NHS: variants seen among roughly 807,000 people sequenced by gnomAD.
NHS encodes actin remodeling regulator NHS.
In NHS, 5 loss-of-function variants were observed where a neutral mutation model predicts 72.5. The ratio of observed to expected loss-of-function variants is 0.07; its 90% CI spans 0.04 to 0.14. The LOEUF is 0.14. Ranked by LOEUF, NHS falls within the 10% of genes least tolerant of loss-of-function variation. The pLI is 1.00. For synonymous variants in NHS, 464 were observed against 547.7 expected (o/e 0.85, Z 2.13); for missense variants, 1,072 against 1,355.7 (o/e 0.79, Z 3.29).
intron 1 of NHS, among the ~76,000 whole-genome samples, chrX:17,423,295 CTGTCT>C (rs386824125): frequency 0.011 from 1,178 of 112,174 alleles, 15 homozygotes; most frequent in African/African-American, 0.036. Flanking sequence ...ATTGCATGTG[CTGTCT>C]TCATCAATGG....
intron 1 of NHS, among the ~76,000 whole-genome samples, chrX:17,650,046 C>A (rs146754904): frequency 2.0e-3 from 225 of 111,758 alleles, no homozygotes; most frequent in African/African-American, 6.9e-3. Flanking sequence ...TGGGTCTCAG[C>A]ACGTATTTGA....
intron 1 of NHS, among the ~76,000 whole-genome samples, chrX:17,501,134 T>A (rs140629600): frequency 1.4e-4 from 15 of 109,910 alleles, no homozygotes; most frequent in East Asian, 1.2e-3. Flanking sequence ...CTTTAGGAGA[T>A]TGAGGAGGGA....
At chrX:17,410,274 C>T (rs900394727) in intron 1 of NHS, among the ~76,000 whole-genome samples, 2 of 111,027 alleles carry the variant, frequency 1.8e-5, no homozygotes, top group African/African-American at 6.6e-5. Context: ...TGATACCACC[C>T]TCATGTTAGC....
At chrX:17,635,744 G>T in intron 1 of NHS, 1 of 626,041 alleles carries the variant, frequency 1.6e-6, no homozygotes, top group South Asian at 2.9e-5. Flanking sequence ...CCTTTCACAG[G>T]AACAGCTGTG....
chrX:17,530,694 C>T (rs770344386), intron 1 of NHS, among the ~76,000 whole-genome samples: 5 of 112,234 alleles, frequency 4.5e-5, no homozygotes, highest in Non-Finnish European at 9.4e-5. Context: ...TTCAACAATC[C>T]TATTAAAACA....
intron 1 of NHS, among the ~76,000 whole-genome samples, chrX:17,396,937 T>G (rs936341198): frequency 8.9e-6 from 1 of 112,332 alleles, no homozygotes; most frequent in African/African-American, 3.2e-5. Flanking sequence ...TGCATTTTTT[T>G]TCATACTCAT....
chrX:17,716,356 G>A (rs2066363987), intron 3 of NHS, among the ~76,000 whole-genome samples: 1 of 112,029 alleles, frequency 8.9e-6, no homozygotes, highest in Non-Finnish European at 1.9e-5. Flanking sequence ...AGTTTCTGAC[G>A]GTGTGATTTT....
intron 1 of NHS, among the ~76,000 whole-genome samples, chrX:17,673,177 AACACACACAC>A (rs56271300): frequency 0.044 from 2,908 of 65,467 alleles, 186 homozygotes; most frequent in African/African-American, 0.14. Context: ...TGGAAGATGA[AACACACACAC>A]ACACACACAC....
At chrX:17,635,110 G>A (rs558689022) in intron 1 of NHS, among the ~76,000 whole-genome samples, 3 of 111,696 alleles carry the variant, frequency 2.7e-5, no homozygotes, top group South Asian at 7.6e-4. Flanking sequence ...GGTGTGGCCC[G>A]AGACTCTGCA....
In NHS at chrX:17,664,745, T is replaced by C. The variant is rs970646019; in HGVS notation, c.566-22997T>C. 2.7e-5 allele frequency among the ~76,000 whole-genome samples: 3 copies of C among 111,963 alleles called. No individual in the cohort carries two copies. The Admixed American group carries it at 2.9e-4, about 11-fold the overall frequency. On this transcript the variant is annotated intron_variant, in intron 1 of 8. Coordinates refer to ENST00000676302, the MANE Select transcript of NHS (RefSeq NM_001291867.2). ...GCTTGTCAATTTCTTCAAAAAAGCA[T>C]GGTATGATTTTGATTGGCATTCATT...
intron 1 of NHS, among the ~76,000 whole-genome samples, chrX:17,436,448 A>G (rs1239107896): frequency 9.0e-6 from 1 of 110,699 alleles, no homozygotes; most frequent in Non-Finnish European, 1.9e-5. Context: ...CACCTTGGAC[A>G]CTTGGTGTGG....
intron 1 of NHS, among the ~76,000 whole-genome samples, chrX:17,600,187 G>C (rs2065642470): frequency 9.0e-6 from 1 of 111,502 alleles, no homozygotes; most frequent in Non-Finnish European, 1.9e-5. Context: ...GATGACTCTT[G>C]AGTTAGGTTT....
chrX:17,660,012 T>C (rs889350299), intron 1 of NHS, among the ~76,000 whole-genome samples: 5 of 112,009 alleles, frequency 4.5e-5, no homozygotes, highest in African/African-American at 1.6e-4. Flanking sequence ...AGATGTCCAA[T>C]TGGGACATTT....
intron 3 of NHS, among the ~76,000 whole-genome samples, chrX:17,709,914 C>T (rs927404445): frequency 1.5e-4 from 17 of 111,594 alleles, no homozygotes; most frequent in African/African-American, 5.5e-4. Flanking sequence ...GTCTGACTAG[C>T]ATCTCTGACA....
At chrX:17,661,526 G>A (rs1269822690) in intron 1 of NHS, among the ~76,000 whole-genome samples, 3 of 110,874 alleles carry the variant, frequency 2.7e-5, no homozygotes, top group East Asian at 5.7e-4. Context: ...CACACATTCC[G>A]AGGGGATTCA....
In NHS at chrX:17,602,805, A is replaced by G. The variant is rs1309047402; in HGVS notation, c.566-84937A>G. Among the ~76,000 whole-genome samples, 5 of 104,133 alleles carry G rather than the reference A, an allele frequency of 4.8e-5. No homozygotes were observed. The Admixed American group carries it at 5.2e-4, about 11-fold the overall frequency. The allele number at this position is 104,133 out of a possible 115,157, so 90.4% of individuals were successfully genotyped here. A position where few individuals can be genotyped will look rare whatever the true frequency, so the allele number is the denominator to read the frequency against. On this transcript the variant is annotated intron_variant, in intron 1 of 8. Transcript: ENST00000676302. ...TTAAACTTTTAATAGACAAATAATA[A>G]TTGTGGATATTTATGGGGCACAACT... is the stretch of plus-strand genomic sequence containing the variant.
chrX:17,560,550 C>T (rs1175723098), intron 1 of NHS, among the ~76,000 whole-genome samples: 1 of 112,178 alleles, frequency 8.9e-6, no homozygotes, highest in African/African-American at 3.2e-5. Context: ...CTTGAATCAT[C>T]CTGCTATTAC....
intron 1 of NHS, among the ~76,000 whole-genome samples, chrX:17,572,612 G>A (rs1419836731): frequency 1.9e-5 from 2 of 106,141 alleles, no homozygotes; most frequent in Non-Finnish European, 3.8e-5. Flanking sequence ...GCACACTGAT[G>A]GGTCTTGGCT....
chrX:17,702,485 G>T lies in NHS; in HGVS notation c.852+10017G>T, dbSNP rs949589491. Among the ~76,000 whole-genome samples the T allele has an allele frequency of 1.1e-4, 12 of 111,080 alleles. 1 individual carries two copies. Among genetic ancestry groups the T allele is most frequent in the Non-Finnish European group, 1.9e-4 (10 of 52,931 alleles). ...ATCACTTGAGGTCAGGAGTTTGTTC[G>T]AGACCAGCCTGGCCAACACGGTGAA... On this transcript the variant is annotated intron_variant, in intron 3 of 8. Coordinates refer to ENST00000676302, the MANE Select transcript of NHS (RefSeq NM_001291867.2).
Sources: gnomAD v4.1 joint callset for allele counts (sites outside exome capture counted in the v4.1 genomes callset) on GRCh38, gnomAD v4.1.1 for gene constraint, MANE v1.5 for transcripts, NCBI Gene and HGNC (gene_info 2026-07-23, HGNC 2026-07-21) for gene names.